LRRC4C: variants seen among roughly 807,000 people sequenced by gnomAD.
The protein encoded by LRRC4C is leucine rich repeat containing 4C.
LRRC4C carries 5 observed loss-of-function variants against 33.6 expected under a neutral mutation model. The ratio of observed to expected loss-of-function variants is 0.15; its 90% CI spans 0.08 to 0.31. The LOEUF (loss-of-function observed/expected upper bound fraction) is 0.31, where lower values mean the gene tolerates loss of function less well. Ranked by LOEUF, LRRC4C falls within the 10% of genes least tolerant of loss-of-function variation. LRRC4C has a pLI of 1.00. For synonymous variants in LRRC4C, 329 were observed against 302.0 expected, an observed-to-expected ratio of 1.09 and a Z score of -0.93; for missense variants, 560 against 796.7, an observed-to-expected ratio of 0.70 and a Z score of 3.58.
intron 1 of LRRC4C, among the ~76,000 whole-genome samples, chr11:41,443,171 A>G (rs1446561587): frequency 6.9e-6 from 1 of 143,912 alleles, no homozygotes; most frequent in Non-Finnish European, 1.5e-5. Flanking sequence ...GACAAATCCC[A>G]AAAAGAATTA....
chr11:40,187,365 A>T (rs1159715409), intron 5 of LRRC4C, among the ~76,000 whole-genome samples: 1 of 148,834 alleles, frequency 6.7e-6, no homozygotes, highest in Admixed American at 6.7e-5. Flanking sequence ...AGTGTTTTTC[A>T]TAAAAATTTT....
At chr11:40,244,279 A>G (rs1023801030) in intron 4 of LRRC4C, among the ~76,000 whole-genome samples, 1 of 151,742 alleles carries the variant, frequency 6.6e-6, no homozygotes, top group Admixed American at 6.6e-5. Flanking sequence ...CTCTCTGAGA[A>G]CCCCCACTTC....
chr11:40,600,474 C>A (rs1959873132), intron 3 of LRRC4C, among the ~76,000 whole-genome samples: 1 of 152,188 alleles, frequency 6.6e-6, no homozygotes, highest in African/African-American at 2.4e-5. Flanking sequence ...TAGGACACTG[C>A]TGGCATTTTG....
intron 1 of LRRC4C, among the ~76,000 whole-genome samples, chr11:41,224,516 G>A (rs1330207090): frequency 6.6e-6 from 1 of 152,138 alleles, no homozygotes; most frequent in African/African-American, 2.4e-5. Context: ...GATAATAAAG[G>A]TGATATTTGA....
chr11:40,374,741 C>T (rs933143630), intron 3 of LRRC4C, among the ~76,000 whole-genome samples: 9 of 152,008 alleles, frequency 5.9e-5, no homozygotes, highest in Non-Finnish European at 1.2e-4. Context: ...GTACAAAATG[C>T]TACTGTGTTA....
At chr11:41,028,396 A>G (rs1289274707) in intron 1 of LRRC4C, among the ~76,000 whole-genome samples, 1 of 151,562 alleles carries the variant, frequency 6.6e-6, no homozygotes, top group Non-Finnish European at 1.5e-5. Flanking sequence ...GCAAATGTAT[A>G]CTCTCTCAAA....
At chr11:40,338,172 G>T (rs889778009) in intron 3 of LRRC4C, among the ~76,000 whole-genome samples, 1 of 152,132 alleles carries the variant, frequency 6.6e-6, no homozygotes, top group African/African-American at 2.4e-5. Flanking sequence ...TGAGGATGTG[G>T]CTGTTTGGAA....
At chr11:40,782,806 CT>C in intron 2 of LRRC4C, among the ~76,000 whole-genome samples, 1 of 152,046 alleles carries the variant, frequency 6.6e-6, no homozygotes, top group African/African-American at 2.4e-5. Flanking sequence ...AAAAGTCTTT[CT>C]GTCACTGTCT....
chr11:41,172,390 T>C (rs962404778), intron 1 of LRRC4C, among the ~76,000 whole-genome samples: 1 of 152,172 alleles, frequency 6.6e-6, no homozygotes, highest in Non-Finnish European at 1.5e-5. Flanking sequence ...AAGTTGCTAA[T>C]TCTACCAGAC....
chr11:40,644,095 A>C (rs1176804281), intron 3 of LRRC4C, among the ~76,000 whole-genome samples: 1 of 152,220 alleles, frequency 6.6e-6, no homozygotes, highest in African/African-American at 2.4e-5. Context: ...ATACCTTATA[A>C]AAATTAATTC....
chr11:40,133,277 A>G (rs1352685287), intron 6 of LRRC4C, among the ~76,000 whole-genome samples: 1 of 152,194 alleles, frequency 6.6e-6, no homozygotes, highest in East Asian at 1.9e-4. Context: ...TTTTATAATG[A>G]GCAATGCAAT....
At chr11:40,608,480 A>C (rs1331577514) in intron 3 of LRRC4C, among the ~76,000 whole-genome samples, 1 of 152,118 alleles carries the variant, frequency 6.6e-6, no homozygotes, top group Non-Finnish European at 1.5e-5. Flanking sequence ...AAGGAGAGAC[A>C]AAAAGCTACA....
chr11:41,079,392 A>T (rs886131492), intron 1 of LRRC4C, among the ~76,000 whole-genome samples: 3 of 152,190 alleles, frequency 2.0e-5, no homozygotes, highest in African/African-American at 7.2e-5. Flanking sequence ...GTGATGTAAC[A>T]ATTTTGAAGG....
At chr11:41,285,988 C>A (rs896818021) in intron 1 of LRRC4C, among the ~76,000 whole-genome samples, 1 of 152,012 alleles carries the variant, frequency 6.6e-6, no homozygotes, top group African/African-American at 2.4e-5. Context: ...TGCCACCACA[C>A]CTGGCTAATT....
chr11:41,069,110 T>C (rs1283574353), intron 1 of LRRC4C, among the ~76,000 whole-genome samples: 1 of 152,202 alleles, frequency 6.6e-6, no homozygotes, highest in Non-Finnish European at 1.5e-5. Context: ...CAAGGCTGAT[T>C]CAACATTCGC....
At chr11:41,251,332 T>C (rs1206052999) in intron 1 of LRRC4C, among the ~76,000 whole-genome samples, 1 of 152,238 alleles carries the variant, frequency 6.6e-6, no homozygotes, top group Non-Finnish European at 1.5e-5. Context: ...TTCTTCGCTG[T>C]AGAGCTCACC....
chr11:41,205,656 C>CAAACAAA (rs1197918867), intron 1 of LRRC4C, among the ~76,000 whole-genome samples: 1 of 152,030 alleles, frequency 6.6e-6, no homozygotes, highest in Non-Finnish European at 1.5e-5. Context: ...AAAAGAAAAA[C>CAAACAAA]AAACAAACAA....
chr11:40,819,388 C>T (rs1280170135), intron 2 of LRRC4C, among the ~76,000 whole-genome samples: 2 of 152,016 alleles, frequency 1.3e-5, no homozygotes, highest in Non-Finnish European at 2.9e-5. Context: ...ATGTTCTTGC[C>T]CCGGAATTCT....
At chr11:41,009,444 G>A (rs1855011941) in intron 1 of LRRC4C, among the ~76,000 whole-genome samples, 2 of 152,072 alleles carry the variant, frequency 1.3e-5, no homozygotes, top group South Asian at 4.1e-4. Flanking sequence ...TGTTTTGTTC[G>A]AAGAAAACAA....
Sources: allele counts gnomAD v4.1 joint callset (sites outside exome capture counted in the v4.1 genomes callset), GRCh38; gene constraint gnomAD v4.1.1; transcripts MANE v1.5; gene names NCBI Gene and HGNC (gene_info 2026-07-23, HGNC 2026-07-21).